Variants in PREX1 observed in about 807,000 individuals in gnomAD.
PREX1 encodes the protein phosphatidylinositol 3,4,5-trisphosphate-dependent Rac exchanger 1 protein.
In PREX1, 41 loss-of-function variants were observed where a neutral mutation model predicts 198.3. That is an observed-to-expected ratio of 0.21 (90% confidence interval 0.16 to 0.27). PREX1 has a LOEUF of 0.27. Ranked by LOEUF, PREX1 falls within the 10% of genes least tolerant of loss-of-function variation. The pLI, the probability that PREX1 is intolerant of heterozygous loss-of-function variation, is 1.00. For missense variants in PREX1, 1,620 were observed against 2,200.7 expected (o/e 0.74, Z 5.28); for synonymous variants, 843 against 887.2 (o/e 0.95, Z 0.89).
intron 5 of PREX1, among the ~76,000 whole-genome samples, chr20:48,710,782 G>C (rs888241360): frequency 6.6e-6 from 1 of 152,248 alleles, no homozygotes; most frequent in Non-Finnish European, 1.5e-5. Context: ...GTGAGGCCAC[G>C]GGCCACACTG....
At chr20:48,801,246 C>A (rs958529817) in intron 1 of PREX1, among the ~76,000 whole-genome samples, 4 of 152,196 alleles carry the variant, frequency 2.6e-5, no homozygotes, top group Non-Finnish European at 5.9e-5. Flanking sequence ...ATGCGAGCTG[C>A]GTAAGCACCA....
chr20:48,725,848 G>A (rs532187280), intron 5 of PREX1, among the ~76,000 whole-genome samples: 1 of 152,314 alleles, frequency 6.6e-6, no homozygotes, highest in South Asian at 2.1e-4. Flanking sequence ...ATTGGTTCAG[G>A]GGTAAAGCAC....
chr20:48,813,873 A>G (rs1239124136), intron 1 of PREX1, among the ~76,000 whole-genome samples: 1 of 152,232 alleles, frequency 6.6e-6, no homozygotes, highest in African/African-American at 2.4e-5. Context: ...GAGCGCCTGT[A>G]GCTGAACAGA....
intron 23 of PREX1, 90 bp from the exon 24 acceptor site, chr20:48,650,296 G>C: frequency 1.5e-6 from 2 of 1,295,310 alleles, no homozygotes; most frequent in Non-Finnish European, 2.2e-6. Flanking sequence ...TCCTGGCCTA[G>C]GCCAGATGCC....
rs199702033 is a variant in PREX1 at position 48,630,680 on chromosome 20, G to A, written c.4593+48C>T. On this transcript the variant is annotated intron_variant, in intron 36 of 39. Transcript: ENST00000371941. ...GTCTGCTGAGTCCTGACTCCTGAGCGCCCCACCCTGCCCAAGCTCCCTGCA... is the reference window on the plus strand; with the variant it reads ...GTCTGCTGAGTCCTGACTCCTGAGCACCCCACCCTGCCCAAGCTCCCTGCA... 23 of 1,494,854 alleles carry A rather than the reference G, an allele frequency of 1.5e-5. No homozygotes were observed. In the East Asian group the frequency reaches 3.0e-4, roughly 19 times the overall value. The allele number at this position is 1,494,854 out of a possible 1,614,324, so 92.6% of individuals were successfully genotyped here.
At chr20:48,661,587 AG>A in intron 15 of PREX1, among the ~76,000 whole-genome samples, 1 of 144,232 alleles carries the variant, frequency 6.9e-6, no homozygotes, top group South Asian at 2.3e-4. Context: ...ACCCCTTTCT[AG>A]GACAAGCCAG....
Position 48,692,667 on chromosome 20 carries a change from G to C in PREX1, c.1036+5C>G, listed in dbSNP as rs1314275320. On this transcript the variant is annotated splice_donor_5th_base_variant and intron_variant, in intron 8 of 39. Transcript: ENST00000371941. ...GGGCTCAGGCAAGGCTGGGGGAGGG[G>C]CTACCTGTCCCATCTTCCACATTCT... is the stretch of plus-strand genomic sequence containing the variant. 35 of 1,611,574 alleles carry C rather than the reference G, an allele frequency of 2.2e-5. No homozygotes were observed. The highest frequency in any genetic ancestry group is 2.8e-5 in the Non-Finnish European group (33 of 1,177,864).
In PREX1 at chr20:48,691,071, G is replaced by A. The variant is rs751737707; in HGVS notation, c.1062C>T (p.Thr354=). The change falls in exon 9 of 40, where the codon ACC becomes ACT. Residue 354 remains threonine (T), a synonymous_variant. Transcript: ENST00000371941. The surrounding 1 kb of genome is among the most constrained non-coding windows in gnomAD (Gnocchi z 5.0). ...TGTGGATCTTCCAGCCGTTGGTGAC[G>A]GTATAGCCGTTGCTATGGTAATCCG... ...GTADYHSNGY[T]VTNGWKIHNT... is the part of the protein sequence containing the mutation. 25 of 1,614,080 alleles carry A rather than the reference G, an allele frequency of 1.5e-5. No homozygotes were observed. In the East Asian group the frequency reaches 2.2e-4, roughly 14 times the overall value.
intron 1 of PREX1, among the ~76,000 whole-genome samples, chr20:48,775,249 G>A (rs1294879851): frequency 1.3e-5 from 2 of 152,126 alleles, no homozygotes; most frequent in Admixed American, 1.3e-4. Flanking sequence ...CAGGGGTGGA[G>A]CTGGAGCCAG....
At chr20:48,681,171 T>G (rs1035920126) in intron 11 of PREX1, 64 bp downstream of exon 11, 2 of 1,368,566 alleles carry the variant, frequency 1.5e-6, no homozygotes, top group Non-Finnish European at 2.1e-6. Context: ...AGTGGAAGCA[T>G]GGCACAGTTG....
the PREX1 span, among the ~76,000 whole-genome samples, chr20:48,887,277 T>C: frequency 7.9e-5 from 12 of 152,198 alleles, no homozygotes. Flanking sequence ...AAGCACTTTA[T>C]TTAAAATGTT....
intron 15 of PREX1, among the ~76,000 whole-genome samples, chr20:48,661,434 AAAAAAAAAAAAT>A (rs1379127240): frequency 2.1e-5 from 2 of 96,562 alleles, no homozygotes; most frequent in African/African-American, 7.4e-5. Flanking sequence ...AAAAAAAAAA[AAAAAAAAAAAAT>A]ATATATATAT....
chr20:48,847,977 G>GATAAATC, the PREX1 span, among the ~76,000 whole-genome samples: 1 of 152,164 alleles, frequency 6.6e-6, no homozygotes, highest in African/African-American at 2.4e-5. Flanking sequence ...CCATTGTGTG[G>GATAAATC]ATAAATCACA....
At chr20:48,705,358 A>G (rs1237546553) in intron 6 of PREX1, among the ~76,000 whole-genome samples, 1 of 152,206 alleles carries the variant, frequency 6.6e-6, no homozygotes. Flanking sequence ...ATCAGGGGGT[A>G]AAAAACACAC....
At chr20:48,810,897 AT>A (rs978348384) in intron 1 of PREX1, among the ~76,000 whole-genome samples, 40 of 152,078 alleles carry the variant, frequency 2.6e-4, no homozygotes, top group South Asian at 2.1e-4. Flanking sequence ...CAAAAAAAAA[AT>A]AATAATAATA....
At position 48,818,205 on chromosome 20, in the gene PREX1, G is replaced by C. The variant is rs565984189; in HGVS notation, c.219+9437C>G. ...GCAAATGCGCTTGGAGGAAGTGGGC[G>C]AGGGGGTAAGAGCTACCCAGAAGAT... On this transcript the variant is annotated intron_variant, in intron 1 of 39. Transcript: ENST00000371941. Among the ~76,000 whole-genome samples the C allele has an allele frequency of 3.9e-5, 6 of 152,288 alleles. No homozygotes were observed. The East Asian group carries it at 1.2e-3, about 29-fold the overall frequency.
At chr20:48,813,028 C>T (rs6095302) in intron 1 of PREX1, among the ~76,000 whole-genome samples, 15,838 of 152,300 alleles carry the variant, frequency 0.1, 1,031 homozygotes, top group Middle Eastern at 0.24. Context: ...CAAACACAGT[C>T]ATACGTGGTG....
rs926805299 is a variant in PREX1, at chr20:48,691,591, G to T, written c.1037-495C>A. 6.6e-6 allele frequency among the ~76,000 whole-genome samples: 1 copy of T among 152,206 alleles called. No individual in the cohort carries two copies. The highest frequency in any genetic ancestry group is 2.4e-5 in the African/African-American group (1 of 41,450). ...CTGAGGAGGGCTCCACGGGCTTCATGAGACTGCCAAAGGGGACTGTGGCTC... is the reference window on the plus strand; with the variant it reads ...CTGAGGAGGGCTCCACGGGCTTCATTAGACTGCCAAAGGGGACTGTGGCTC... On this transcript the variant is annotated intron_variant, in intron 8 of 39. Coordinates refer to ENST00000371941, the MANE Select transcript of PREX1 (RefSeq NM_020820.4). This position sits in a 1 kb window ranked among gnomAD's most constrained non-coding sequence, Gnocchi z 5.0.
rs2089367748 is a variant in PREX1 at position 48,636,686 on chromosome 20, G to A, written c.3947-3C>T. On this transcript the variant is annotated splice_region_variant and splice_polypyrimidine_tract_variant and intron_variant, in intron 31 of 39. Coordinates refer to ENST00000371941, the MANE Select transcript of PREX1 (RefSeq NM_020820.4). ...TCTGCGCAGCTGCAGCTCCGTGTCT[G>A]GGGGCAGAGGGCAGGAGGCCTTGCT... 6.3e-7 allele frequency: 1 copy of A among 1,595,556 alleles called. No homozygotes were observed. Among genetic ancestry groups the A allele is most frequent in the Admixed American group, 1.7e-5 (1 of 58,282 alleles).
Sources: gnomAD v4.1 joint callset for allele counts (sites outside exome capture counted in the v4.1 genomes callset) on GRCh38, gnomAD v4.1.1 for gene constraint, Gnocchi (gnomAD v3.1) non-coding constraint, MANE v1.5 for transcripts, NCBI Gene and HGNC (gene_info 2026-07-23, HGNC 2026-07-21) for gene names.